Variants in ARHGEF10 observed in about 807,000 individuals in gnomAD.
The protein encoded by ARHGEF10 is Rho guanine nucleotide exchange factor 10, also known as Rho guanine nucleotide exchange factor (GEF) 10.
Under a neutral mutation model 147.4 loss-of-function variants are expected in ARHGEF10, and 140 were observed. That is an observed-to-expected ratio of 0.95 (90% CI 0.83 to 1.09). The LOEUF (loss-of-function observed/expected upper bound fraction) is 1.09, where lower values mean the gene tolerates loss of function less well. ARHGEF10 is among the 50% of genes least tolerant of loss of function. ARHGEF10 has a pLI of 0.00. For synonymous variants in ARHGEF10, 902 were observed against 695.8 expected (o/e 1.30, Z -4.67); for missense variants, 2,222 against 1,752.7 (o/e 1.27, Z -4.78).
intron 2 of ARHGEF10, among the ~76,000 whole-genome samples, chr8:1,851,065 A>G (rs991127508): frequency 2.6e-5 from 4 of 152,142 alleles, no homozygotes; most frequent in Non-Finnish European, 4.4e-5. Flanking sequence ...GGAGCACGGG[A>G]TTTTTAGGGC....
At chr8:1,844,423 C>CCCTGGGGCCTGGTGG (rs1804359315) in intron 2 of ARHGEF10, among the ~76,000 whole-genome samples, 1 of 151,808 alleles carries the variant, frequency 6.6e-6, no homozygotes, top group African/African-American at 2.4e-5. Context: ...ATCCAGGGGT[C>CCCTGGGGCCTGGTGG]ACCGGGGCCT....
At chr8:1,867,250 G>C (rs1051614595) in intron 6 of ARHGEF10, among the ~76,000 whole-genome samples, 1 of 152,124 alleles carries the variant, frequency 6.6e-6, no homozygotes, top group Admixed American at 6.5e-5. Flanking sequence ...TGCTTGAAAA[G>C]CTAATTGGTA....
chr8:1,930,756 C>G (rs997452741), intron 25 of ARHGEF10, among the ~76,000 whole-genome samples: 1 of 152,252 alleles, frequency 6.6e-6, no homozygotes, highest in Non-Finnish European at 1.5e-5. Flanking sequence ...GGGACGGCCC[C>G]TCCTTCTCCC....
intron 18 of ARHGEF10, among the ~76,000 whole-genome samples, chr8:1,922,542 A>G (rs1812374072): frequency 6.6e-6 from 1 of 152,164 alleles, no homozygotes; most frequent in African/African-American, 2.4e-5. Flanking sequence ...AGGAGATTTC[A>G]GGGACGTGAC....
chr8:1,949,270 C>G (rs1329702078), intron 27 of ARHGEF10, among the ~76,000 whole-genome samples: 1 of 152,212 alleles, frequency 6.6e-6, no homozygotes, highest in Non-Finnish European at 1.5e-5. Context: ...AGCTAAGGCC[C>G]TGGCTTTTCT....
At chr8:1,883,044 AG>A (rs1808352605) in intron 10 of ARHGEF10, among the ~76,000 whole-genome samples, 1 of 152,172 alleles carries the variant, frequency 6.6e-6, no homozygotes, top group African/African-American at 2.4e-5. Context: ...GTGGATTCTT[AG>A]TATTGGACTC....
intron 12 of ARHGEF10, 88 bp from the exon 13 acceptor site, chr8:1,894,305 G>T: frequency 1.4e-6 from 2 of 1,405,086 alleles, no homozygotes; most frequent in Non-Finnish European, 2.0e-6. Flanking sequence ...AGCCATGATC[G>T]CACCACTGCG....
chr8:1,843,549 G>C lies in ARHGEF10; in HGVS notation c.37+113G>C, dbSNP rs1563164374. The C allele has an allele frequency of 6.0e-6, 5 of 830,914 alleles. No individual in the cohort carries two copies. The Admixed American group carries it at 9.9e-5, about 17-fold the overall frequency. 51.5% of individuals were successfully genotyped at this position (830,914 alleles called of 1,614,324 possible). A position where few individuals can be genotyped will look rare whatever the true frequency, so the allele number is the denominator to read the frequency against. ...TGGTCACTGGGGTATGGGGTGGAGT[G>C]AGAGCTTCTTGGGAGAAAGAGAAGG... On this transcript the variant is annotated intron_variant, in intron 2 of 28. Transcript: ENST00000349830.
rs765241075 is a variant in ARHGEF10 at position 1,905,637 on chromosome 8, A to G, written c.1888A>G (p.Arg630Gly). The change falls in exon 17 of 29, where the codon AGA becomes GGA. Residue 630 changes from arginine to glycine, a missense_variant. By Grantham distance (125) the Arg-to-Gly change is moderately radical. Transcript: ENST00000349830. ...TATGATAGAAACAGTTTACAACGAC[A>G]GAGGAGAGATTGTTAAAACCAAAGA... is the stretch of plus-strand genomic sequence containing the variant. ...DDMIETVYND[R>G]GEIVKTKERR... 6.2e-7 allele frequency: 1 copy of G among 1,614,224 alleles called. No individual in the cohort carries two copies. The highest frequency in any genetic ancestry group is 1.1e-5 in the South Asian group (1 of 91,078).
At chr8:1,837,673 G>C (rs983399902) in intron 1 of ARHGEF10, among the ~76,000 whole-genome samples, 1 of 152,210 alleles carries the variant, frequency 6.6e-6, no homozygotes, top group African/African-American at 2.4e-5. Flanking sequence ...AGGGCGGGAA[G>C]GGGGAAGAGT....
At chr8:1,954,502 C>G (rs761528119) in intron 28 of ARHGEF10, among the ~76,000 whole-genome samples, 1 of 152,096 alleles carries the variant, frequency 6.6e-6, no homozygotes, top group Non-Finnish European at 1.5e-5. Flanking sequence ...ACTTGTGGTC[C>G]CAAGAATTTC....
chr8:1,879,582 TTA>T, intron 8 of ARHGEF10, among the ~76,000 whole-genome samples: 1 of 151,356 alleles, frequency 6.6e-6, no homozygotes, highest in Non-Finnish European at 1.5e-5. Context: ...AGACAGGGTC[TTA>T]CTCTGTCTGC....
chr8:1,836,924 G>A (rs573259020), intron 1 of ARHGEF10, among the ~76,000 whole-genome samples: 5 of 152,172 alleles, frequency 3.3e-5, no homozygotes, highest in East Asian at 1.9e-4. Flanking sequence ...TTCTCTTGCC[G>A]CCGCCACGTA....
intron 28 of ARHGEF10, among the ~76,000 whole-genome samples, chr8:1,954,505 A>G (rs1319302502): frequency 6.6e-6 from 1 of 152,208 alleles, no homozygotes; most frequent in Non-Finnish European, 1.5e-5. Context: ...TGTGGTCCCA[A>G]GAATTTCAGA....
chr8:1,865,924 A>G (rs929826108), intron 5 of ARHGEF10, among the ~76,000 whole-genome samples: 49 of 152,162 alleles, frequency 3.2e-4, no homozygotes, highest in Non-Finnish European at 4.4e-5. Context: ...GGTGCCTCTC[A>G]TGGGGCGATG....
At position 1,957,056 on chromosome 8, in the gene ARHGEF10, A is replaced by G. The variant is rs146227529; in HGVS notation, c.3828A>G (p.Ser1276=). Reference sequence around the variant, plus strand: ...GCTCCAGCTCTCTAGAGCACAGATCAGAGGACAGCACCATCTATGATCTCC... The same window carrying G: ...GCTCCAGCTCTCTAGAGCACAGATCGGAGGACAGCACCATCTATGATCTCC... ...SHGSSSLEHR[S]EDSTIYDLLK... is the part of the protein sequence containing the mutation. The change falls in exon 29 of 29, where the codon TCA becomes TCG. Residue 1276 remains serine (S), a synonymous_variant. Coordinates refer to ENST00000349830, the MANE Select transcript of ARHGEF10 (RefSeq NM_014629.4). The G allele has an allele frequency of 6.0e-4, 973 of 1,613,868 alleles. 7 individuals are homozygous for G. In the African/African-American group the frequency reaches 0.012, roughly 19 times the overall value.
intron 27 of ARHGEF10, among the ~76,000 whole-genome samples, chr8:1,946,615 C>T (rs1814615397): frequency 6.6e-6 from 1 of 152,204 alleles, no homozygotes; most frequent in Admixed American, 6.5e-5. Flanking sequence ...TAATCACGTC[C>T]CCAAAGCCCC....
intron 1 of ARHGEF10, among the ~76,000 whole-genome samples, chr8:1,832,399 GAGAGGCAGAGGCAGAGACAGAGAGAGAC>G (rs1803183856): frequency 2.1e-5 from 1 of 47,524 alleles, no homozygotes; most frequent in Non-Finnish European, 4.4e-5. Flanking sequence ...CAGAGACAGA[GAGAGGCAGAGGCAGAGACAGAGAGAGAC>G]AGAGGCAGAC....
At chr8:1,826,079 G>A (rs756258589) in intron 1 of ARHGEF10, 15 of 1,589,374 alleles carry the variant, frequency 9.4e-6, no homozygotes, top group Admixed American at 1.7e-5. Flanking sequence ...GCCAACATCG[G>A]CAGTTACGGA....
Sources: gnomAD v4.1 joint callset for allele counts (sites outside exome capture counted in the v4.1 genomes callset) on GRCh38, gnomAD v4.1.1 for gene constraint, MANE v1.5 for transcripts, NCBI Gene and HGNC (gene_info 2026-07-23, HGNC 2026-07-21) for gene names.